NOX4: variants seen among roughly 807,000 people sequenced by gnomAD.
The protein encoded by NOX4 is NADPH oxidase 4, also known as kidney oxidase-1.
Under a neutral mutation model 87.6 loss-of-function variants are expected in NOX4, and 69 were observed. That is an observed-to-expected ratio of 0.79 (90% CI 0.65 to 0.96). The LOEUF (loss-of-function observed/expected upper bound fraction) is 0.96, where lower values mean the gene tolerates loss of function less well. NOX4 is among the 40% of genes least tolerant of loss of function. NOX4 has a pLI of 0.00. For synonymous variants in NOX4, 275 were observed against 238.2 expected, an observed-to-expected ratio of 1.15 and a Z score of -1.42; for missense variants, 680 against 681.5, an observed-to-expected ratio of 1.00 and a Z score of 0.02.
the NOX4 span, among the ~76,000 whole-genome samples, chr11:89,521,306 A>G: frequency 6.6e-6 from 1 of 152,154 alleles, no homozygotes; most frequent in African/African-American, 2.4e-5. Context: ...AATAACCAAA[A>G]TGGCATAGTA....
intron 7 of NOX4, among the ~76,000 whole-genome samples, chr11:89,429,118 A>C (rs979368867): frequency 3.3e-5 from 5 of 152,242 alleles, no homozygotes; most frequent in African/African-American, 1.2e-4. Flanking sequence ...TACTGGGTAC[A>C]TAACAAAATG....
the NOX4 span, among the ~76,000 whole-genome samples, chr11:89,553,475 C>T: frequency 6.6e-6 from 1 of 152,082 alleles, no homozygotes; most frequent in Non-Finnish European, 1.5e-5. Flanking sequence ...ATAAATTACC[C>T]AGTTTCAGGT....
intron 2 of NOX4, among the ~76,000 whole-genome samples, chr11:89,453,935 A>G (rs1304216458): frequency 1.3e-5 from 2 of 152,188 alleles, no homozygotes; most frequent in Non-Finnish European, 2.9e-5. Flanking sequence ...ATTTGAGGTA[A>G]GTGGTTTTAG....
intron 17 of NOX4, among the ~76,000 whole-genome samples, chr11:89,332,096 A>G (rs1295596449): frequency 1.3e-5 from 2 of 151,822 alleles, no homozygotes; most frequent in Non-Finnish European, 2.9e-5. Context: ...AACTAGTTCT[A>G]TAAATGTTCA....
At chr11:89,510,017 T>C in the NOX4 span, among the ~76,000 whole-genome samples, 4 of 152,006 alleles carry the variant, frequency 2.6e-5, no homozygotes, top group African/African-American at 9.7e-5. Context: ...GAGTGGTAAA[T>C]AGATGACTTC....
chr11:89,524,377 A>C, the NOX4 span, among the ~76,000 whole-genome samples: 1 of 152,202 alleles, frequency 6.6e-6, no homozygotes, highest in Non-Finnish European at 1.5e-5. Context: ...ACTAACAAGT[A>C]CTGAGTACCT....
At chr11:89,389,891 T>C (rs771010797) in intron 11 of NOX4, among the ~76,000 whole-genome samples, 16 of 152,132 alleles carry the variant, frequency 1.1e-4, no homozygotes, top group Non-Finnish European at 1.6e-4. Flanking sequence ...CTTTTCTGTG[T>C]CACCGAGTTA....
At chr11:89,447,734 T>G (rs903237520) in intron 4 of NOX4, among the ~76,000 whole-genome samples, 3 of 152,120 alleles carry the variant, frequency 2.0e-5, no homozygotes, top group African/African-American at 7.2e-5. Flanking sequence ...GTCACGAATA[T>G]GCTGGTTTCC....
At chr11:89,474,496 A>G (rs1347436166) in intron 2 of NOX4, among the ~76,000 whole-genome samples, 3 of 151,562 alleles carry the variant, frequency 2.0e-5, no homozygotes, top group Non-Finnish European at 4.4e-5. Flanking sequence ...AAGTTGTCCA[A>G]CAATTGAGAA....
chr11:89,444,323 G>A, intron 4 of NOX4, 91 bp from the exon 5 acceptor site: 6 of 1,003,090 alleles, frequency 6.0e-6, no homozygotes, highest in South Asian at 1.5e-5. Context: ...GTAAATACAG[G>A]GCCAAACTTT....
the NOX4 span, among the ~76,000 whole-genome samples, chr11:89,526,176 G>T: frequency 6.6e-6 from 1 of 151,932 alleles, no homozygotes; most frequent in African/African-American, 2.4e-5. Flanking sequence ...TGACTAATGT[G>T]GGTCATTTGA....
chr11:89,562,167 T>C, the NOX4 span, among the ~76,000 whole-genome samples: 1 of 152,158 alleles, frequency 6.6e-6, no homozygotes, highest in Non-Finnish European at 1.5e-5. Context: ...TTCCTAACAT[T>C]AGATTAATTA....
chr11:89,553,905 G>A, the NOX4 span, among the ~76,000 whole-genome samples: 4 of 147,456 alleles, frequency 2.7e-5, no homozygotes, highest in Non-Finnish European at 5.9e-5. Context: ...ATGACAAGAG[G>A]TAGTTTTGCC....
chr11:89,412,933 A>T (rs1308217912), intron 8 of NOX4, among the ~76,000 whole-genome samples: 1 of 152,182 alleles, frequency 6.6e-6, no homozygotes, highest in Non-Finnish European at 1.5e-5. Context: ...TATCCATCTG[A>T]CAAGAGATTA....
the NOX4 span, among the ~76,000 whole-genome samples, chr11:89,522,163 T>C: frequency 6.6e-6 from 1 of 152,148 alleles, no homozygotes; most frequent in African/African-American, 2.4e-5. Flanking sequence ...GACCCAGCAA[T>C]CTCTTTGCTA....
chr11:89,436,045 A>G (rs1395012986), intron 6 of NOX4, among the ~76,000 whole-genome samples: 1 of 152,196 alleles, frequency 6.6e-6, no homozygotes, highest in Admixed American at 6.6e-5. Context: ...GGATATTACA[A>G]GAAGATCTAT....
At chr11:89,455,029 GA>G (rs1591299262) in intron 2 of NOX4, among the ~76,000 whole-genome samples, 1 of 152,052 alleles carries the variant, frequency 6.6e-6, no homozygotes, top group East Asian at 1.9e-4. Flanking sequence ...TAAATTGAGA[GA>G]CATGAGAAAA....
chr11:89,519,617 G>A, the NOX4 span, among the ~76,000 whole-genome samples: 1 of 152,030 alleles, frequency 6.6e-6, no homozygotes, highest in African/African-American at 2.4e-5. Flanking sequence ...CGGGTAAGAA[G>A]AAGCAGTTCA....
At chr11:89,390,565 G>A (rs532614235) in intron 11 of NOX4, among the ~76,000 whole-genome samples, 1 of 152,290 alleles carries the variant, frequency 6.6e-6, no homozygotes, top group African/African-American at 2.4e-5. Flanking sequence ...GAATGAATGT[G>A]AATGCAAAAC....
Sources: gnomAD v4.1 joint callset for allele counts (sites outside exome capture counted in the v4.1 genomes callset) on GRCh38, gnomAD v4.1.1 for gene constraint, MANE v1.5 for transcripts, NCBI Gene and HGNC (gene_info 2026-07-23, HGNC 2026-07-21) for gene names.